Variants in RFC5 observed in about 807,000 individuals in gnomAD.
RFC5 encodes the protein replication factor C subunit 5, also known as A1 36 kDa subunit.
In RFC5, 26 loss-of-function variants were observed where a neutral mutation model predicts 44.3. The observed-to-expected ratio is 0.59, with a 90% CI of 0.43 to 0.81. The LOEUF is 0.81. Ranked by LOEUF, RFC5 falls within the 40% of genes least tolerant of loss-of-function variation. The pLI, the probability that RFC5 is intolerant of heterozygous loss-of-function variation, is 0.00. For synonymous variants in RFC5, 155 were observed against 155.2 expected (o/e 1.00, Z 0.01); for missense variants, 328 against 418.6 (o/e 0.78, Z 1.89).
intron 7 of RFC5, among the ~76,000 whole-genome samples, chr12:118,026,669 G>A (rs752596234): frequency 1.3e-5 from 2 of 152,246 alleles, no homozygotes; most frequent in African/African-American, 4.8e-5. Context: ...AGAAGGCAAA[G>A]GGAGGGAAGG....
Position 118,022,373 on chromosome 12 carries a change from CTG to C in RFC5, c.421+17_421+18del, listed in dbSNP as rs1176139586. 2.4e-5 allele frequency: 38 copies of C among 1,590,750 alleles called. No homozygotes were observed. Among genetic ancestry groups the C allele is most frequent in the Non-Finnish European group, 3.3e-5 (38 of 1,158,664 alleles). Reference sequence around the variant, plus strand: ...CCTTGAGAAGAGGTAAGCAGAGGCACTGTGGAGCGTTTGGGCTGGTGTGCACA... The same window carrying C: ...CCTTGAGAAGAGGTAAGCAGAGGCACTGGAGCGTTTGGGCTGGTGTGCACA... On this transcript the variant is annotated intron_variant, in intron 5 of 10. Transcript: ENST00000454402.
rs1450413868 is a variant in RFC5, at chr12:118,028,657, AGTCT to A, written c.871+632_871+635del. The stretch of plus-strand genomic sequence containing the variant: ...TTCACATTTCTAAAAAAAAAAAAAA[AGTCT>A]GTCTATCTATCTGTCTATCTAGATA... On this transcript the variant is annotated intron_variant, in intron 9 of 10. Coordinates refer to ENST00000454402, the MANE Select transcript of RFC5 (RefSeq NM_007370.7). Among the ~76,000 whole-genome samples the A allele has an allele frequency of 8.3e-3, 1,256 of 151,854 alleles. 13 individuals carry two copies. Among genetic ancestry groups the A allele is most frequent in the African/African-American group, 0.028 (1,160 of 41,396 alleles).
chr12:118,022,243 T>A, intron 4 of RFC5, 43 bp from the exon 5 acceptor site: 1 of 1,469,726 alleles, frequency 6.8e-7, no homozygotes, highest in Non-Finnish European at 9.5e-7. Context: ...GATGTTGAGA[T>A]GAGATTGAAG....
rs201058847 is a variant in RFC5 at position 118,019,678 on chromosome 12, C to T, written c.177C>T (p.Tyr59=). Residue 59 remains tyrosine, a synonymous_variant, in exon 3 of 11, where the codon TAC becomes TAT. Coordinates refer to ENST00000454402, the MANE Select transcript of RFC5 (RefSeq NM_007370.7). The surrounding 1 kb of genome is among the most constrained non-coding windows in gnomAD (Gnocchi z 4.2). ...ACCGACTGCCACACTTGCTTCTCTA[C>T]GGTCCCCCAGGGACAGGCAAGACAT... ...NEDRLPHLLL[Y]GPPGTGKTST... 35 of 1,613,984 alleles carry T rather than the reference C, an allele frequency of 2.2e-5. No individual in the cohort carries two copies. The highest frequency in any genetic ancestry group is 4.5e-5 in the East Asian group (2 of 44,878).
chr12:118,017,757 A>G (rs1215043734), intron 1 of RFC5: 6 of 659,618 alleles, frequency 9.1e-6, no homozygotes, highest in Middle Eastern at 2.5e-4. Context: ...TGTAACCTCA[A>G]ACATTGGGGT....
chr12:118,035,077 C>A (rs565161300), downstream of RFC5: 49 of 1,614,160 alleles, frequency 3.0e-5, no homozygotes, highest in South Asian at 4.5e-4. Context: ...AGTTCCAGGG[C>A]CCAGATCCTG....
At chr12:118,017,203 CT>C (rs1298372231) in intron 1 of RFC5, among the ~76,000 whole-genome samples, 2 of 152,224 alleles carry the variant, frequency 1.3e-5, no homozygotes, top group Admixed American at 6.5e-5. Flanking sequence ...CTGCAATGGC[CT>C]CCATGCCAAA....
At chr12:118,028,515 G>A (rs1003268372) in intron 9 of RFC5, among the ~76,000 whole-genome samples, 1 of 149,202 alleles carries the variant, frequency 6.7e-6, no homozygotes, top group Admixed American at 6.7e-5. Context: ...CACAAAAAAC[G>A]TGTTCCATAA....
intron 8 of RFC5, among the ~76,000 whole-genome samples, chr12:118,027,686 AG>A (rs2031046437): frequency 1.3e-5 from 2 of 150,334 alleles, no homozygotes; most frequent in South Asian, 4.2e-4. Context: ...AAAAAAAAAA[AG>A]AAAGAAAGAA....
At chr12:118,034,185 TGTG>T (rs1566134506), downstream of RFC5, 5 of 1,614,034 alleles carry the variant, frequency 3.1e-6, no homozygotes, top group South Asian at 1.1e-5. Flanking sequence ...AAGCACAAGA[TGTG>T]GTGTTGCTTA....
At chr12:118,027,469 C>G in intron 8 of RFC5, 4 of 159,684 alleles carry the variant, frequency 2.5e-5, no homozygotes, top group South Asian at 3.6e-4. Flanking sequence ...GTCAGGAGTT[C>G]AAGACCAGCC....
downstream of RFC5, chr12:118,034,864 C>G: frequency 3.5e-6 from 3 of 853,430 alleles, no homozygotes; most frequent in Non-Finnish European, 5.4e-6. Context: ...TTTATATAAT[C>G]TTGAATTGCC....
intron 3 of RFC5, 36 bp from the exon 4 acceptor site, chr12:118,020,870 A>G (rs1425427155): frequency 7.1e-7 from 1 of 1,403,078 alleles, no homozygotes; most frequent in Non-Finnish European, 1.0e-6. Flanking sequence ...GCACAGCAAC[A>G]TGGTTTTTGT....
chr12:118,019,160 T>G lies in RFC5; in HGVS notation c.130+24T>G, dbSNP rs1257420770. ...CAGTAAGTATTCATGTGTCAGTTGC[T>G]CTTGTCCTGCTTGAGCGACTTGTAT... On this transcript the variant is annotated intron_variant, in intron 2 of 10. Coordinates refer to ENST00000454402, the MANE Select transcript of RFC5 (RefSeq NM_007370.7). This position sits in a 1 kb window ranked among gnomAD's most constrained non-coding sequence, Gnocchi z 4.2. 6.4e-7 allele frequency: 1 copy of G among 1,567,456 alleles called. No homozygotes were observed. Among genetic ancestry groups the G allele is most frequent in the East Asian group, 2.2e-5 (1 of 44,648 alleles).
chr12:118,030,196 AAACTC>A (rs2031225230), intron 10 of RFC5, among the ~76,000 whole-genome samples: 1 of 152,182 alleles, frequency 6.6e-6, no homozygotes, highest in African/African-American at 2.4e-5. Flanking sequence ...AAGTAAACAC[AAACTC>A]AATTTTCTGC....
At chr12:118,023,198 G>A (rs1211492321) in intron 5 of RFC5, among the ~76,000 whole-genome samples, 1 of 151,768 alleles carries the variant, frequency 6.6e-6, no homozygotes, top group African/African-American at 2.4e-5. Flanking sequence ...TGCTTGCCAA[G>A]TGAATGATTT....
intron 8 of RFC5, chr12:118,027,492 C>T (rs536793297): frequency 1.3e-4 from 21 of 157,854 alleles, no homozygotes; most frequent in Admixed American, 3.2e-4. Context: ...GCCAACATGG[C>T]GAAACCCCGT....
At chr12:118,017,172 C>T (rs1340655585) in intron 1 of RFC5, among the ~76,000 whole-genome samples, 2 of 152,192 alleles carry the variant, frequency 1.3e-5, no homozygotes, top group Non-Finnish European at 2.9e-5. Context: ...CACAGGGGTT[C>T]GATCCCGCGT....
chr12:118,024,880 T>G lies in RFC5; in HGVS notation c.451T>G (p.Phe151Val), dbSNP rs370871299. ...TGAGAAATTCACAGAAAATACCAGA[T>G]TCTGCCTCATCTGTAACTATCTGTC... ...VIEKFTENTR[F>V]CLICNYLSKI... is the part of the protein sequence containing the mutation. Residue 151 changes from phenylalanine (F) to valine (V), a missense_variant, in exon 6 of 11, where the codon TTC becomes GTC. By Grantham distance (50) the Phe-to-Val change is conservative (BLOSUM62 -1). Coordinates refer to ENST00000454402, the MANE Select transcript of RFC5 (RefSeq NM_007370.7). 2 of 1,612,718 alleles carry G rather than the reference T, an allele frequency of 1.2e-6. No homozygotes were observed. Among genetic ancestry groups the G allele is most frequent in the Non-Finnish European group, 1.7e-6 (2 of 1,179,662 alleles).
Sources: gnomAD v4.1 joint callset for allele counts (sites outside exome capture counted in the v4.1 genomes callset) on GRCh38, gnomAD v4.1.1 for gene constraint, Gnocchi (gnomAD v3.1) non-coding constraint, MANE v1.5 for transcripts, NCBI Gene and HGNC (gene_info 2026-07-23, HGNC 2026-07-21) for gene names.